Variants in COX7B2 observed in about 807,000 individuals in gnomAD.
COX7B2 encodes cytochrome c oxidase subunit 7B2.
For synonymous variants in COX7B2, 37 were observed against 32.1 expected, an observed-to-expected ratio of 1.15 and a Z score of -0.51; for missense variants, 109 against 95.9, an observed-to-expected ratio of 1.14 and a Z score of -0.57.
At chr4:46,737,640 T>C (rs1451383562) in intron 2 of COX7B2, among the ~76,000 whole-genome samples, 2 of 152,196 alleles carry the variant, frequency 1.3e-5, no homozygotes, top group South Asian at 2.1e-4. Flanking sequence ...TTTTATTTCT[T>C]AGATAGTTAC....
At chr4:46,858,332 G>A (rs1002978808) in intron 1 of COX7B2, among the ~76,000 whole-genome samples, 5 of 152,064 alleles carry the variant, frequency 3.3e-5, no homozygotes, top group African/African-American at 9.7e-5. Context: ...CTTCCCTCAA[G>A]TGATCCTCCT....
chr4:46,843,149 C>A (rs918131603), intron 2 of COX7B2, among the ~76,000 whole-genome samples: 1 of 151,962 alleles, frequency 6.6e-6, no homozygotes, highest in Non-Finnish European at 1.5e-5. Context: ...TCTCTGATGG[C>A]CACTGATGAT....
chr4:46,744,296 G>C (rs1714890678), intron 2 of COX7B2, among the ~76,000 whole-genome samples: 1 of 151,688 alleles, frequency 6.6e-6, no homozygotes. Flanking sequence ...ACCTCCTTAG[G>C]CCTCCTGAGC....
chr4:46,907,678 G>A (rs1365639159), intron 1 of COX7B2, among the ~76,000 whole-genome samples: 1 of 151,234 alleles, frequency 6.6e-6, no homozygotes, highest in African/African-American at 2.4e-5. Flanking sequence ...GTTATGACCA[G>A]AGTACACAGA....
chr4:46,776,194 G>T (rs1028730843), intron 2 of COX7B2, among the ~76,000 whole-genome samples: 1 of 151,922 alleles, frequency 6.6e-6, no homozygotes, highest in Admixed American at 6.6e-5. Flanking sequence ...CTGAGATATG[G>T]GGAAAGTGGG....
chr4:46,880,732 C>A (rs1247015916), intron 1 of COX7B2, among the ~76,000 whole-genome samples: 1 of 148,296 alleles, frequency 6.7e-6, no homozygotes, highest in Admixed American at 6.7e-5. Context: ...AAAAAAAAAA[C>A]TATCGCAAGA....
chr4:46,817,759 C>T (rs982183045), intron 2 of COX7B2, among the ~76,000 whole-genome samples: 4 of 152,022 alleles, frequency 2.6e-5, no homozygotes, highest in African/African-American at 9.7e-5. Context: ...AGGATAAAAC[C>T]GGGACAGCTG....
chr4:46,764,552 A>AAAAAGAAAAG (rs765606265), intron 2 of COX7B2, among the ~76,000 whole-genome samples: 2 of 151,058 alleles, frequency 1.3e-5, no homozygotes, highest in Admixed American at 6.6e-5. Context: ...CAAAAATGAA[A>AAAAAGAAAAG]AAAAGAAAAG....
intron 2 of COX7B2, among the ~76,000 whole-genome samples, chr4:46,789,161 G>A (rs1202409912): frequency 6.6e-6 from 1 of 152,122 alleles, no homozygotes; most frequent in Non-Finnish European, 1.5e-5. Flanking sequence ...AACATTCAAA[G>A]ATTAGGAAGT....
chr4:46,805,111 C>G (rs902163185), intron 2 of COX7B2, among the ~76,000 whole-genome samples: 1 of 152,244 alleles, frequency 6.6e-6, no homozygotes, highest in Non-Finnish European at 1.5e-5. Context: ...AGCCCACACC[C>G]ACCCAGAACT....
chr4:46,824,998 C>T (rs976612352), intron 2 of COX7B2, among the ~76,000 whole-genome samples: 2 of 151,910 alleles, frequency 1.3e-5, no homozygotes, highest in African/African-American at 4.8e-5. Context: ...GCCCTCTCAT[C>T]ACTCATCTTC....
intron 1 of COX7B2, among the ~76,000 whole-genome samples, chr4:46,866,264 A>G (rs962281768): frequency 3.9e-5 from 6 of 152,164 alleles, no homozygotes; most frequent in Non-Finnish European, 1.5e-5. Flanking sequence ...TGCCATTGGA[A>G]TTTGGGGAAA....
intron 2 of COX7B2, among the ~76,000 whole-genome samples, chr4:46,757,267 A>G (rs1715857053): frequency 7.2e-6 from 1 of 139,292 alleles, no homozygotes; most frequent in Non-Finnish European, 1.6e-5. Context: ...ATATGTACAC[A>G]TGCATATACA....
chr4:46,813,458 AAAAGTTTCTGCAC>A (rs1719388302), intron 2 of COX7B2, among the ~76,000 whole-genome samples: 1 of 152,216 alleles, frequency 6.6e-6, no homozygotes, highest in Admixed American at 6.5e-5. Flanking sequence ...TATCAAATGA[AAAAGTTTCTGCAC>A]AGCAAAAGAA....
intron 2 of COX7B2, among the ~76,000 whole-genome samples, chr4:46,738,379 C>T (rs1015285080): frequency 2.0e-5 from 3 of 152,064 alleles, no homozygotes; most frequent in Non-Finnish European, 4.4e-5. Flanking sequence ...TTTTCTTGAA[C>T]CAGTAAGTCT....
intron 2 of COX7B2, among the ~76,000 whole-genome samples, chr4:46,747,866 T>G (rs1417235286): frequency 6.6e-6 from 1 of 152,110 alleles, no homozygotes; most frequent in African/African-American, 2.4e-5. Context: ...ACCATAAAAT[T>G]TGTCTTTAAC....
At chr4:46,889,541 C>T (rs1476137086) in intron 1 of COX7B2, among the ~76,000 whole-genome samples, 1 of 152,110 alleles carries the variant, frequency 6.6e-6, no homozygotes, top group African/African-American at 2.4e-5. Flanking sequence ...GGCAAGGCTG[C>T]CATGAGCACT....
In COX7B2 at chr4:46,752,549, T is replaced by A. The variant is rs542995936; in HGVS notation, c.-49-17308A>T. Reference sequence around the variant, plus strand: ...TTGCCAATTCAGTATGTAATTGGCTTTGGGTTTATCATAAATAGCTCTTAT... The same window carrying A: ...TTGCCAATTCAGTATGTAATTGGCTATGGGTTTATCATAAATAGCTCTTAT... On this transcript the variant is annotated intron_variant, in intron 2 of 2. Transcript: ENST00000355591. Among the ~76,000 whole-genome samples, 7 of 152,186 alleles carry A rather than the reference T, an allele frequency of 4.6e-5. No individual in the cohort carries two copies. The South Asian group carries it at 1.5e-3, about 32-fold the overall frequency.
chr4:46,882,441 G>A (rs1718808270), intron 1 of COX7B2, among the ~76,000 whole-genome samples: 1 of 152,140 alleles, frequency 6.6e-6, no homozygotes, highest in South Asian at 2.1e-4. Flanking sequence ...CTCTTTGTAG[G>A]TCTCTAACAA....
Sources: gnomAD v4.1 joint callset for allele counts (sites outside exome capture counted in the v4.1 genomes callset) on GRCh38, gnomAD v4.1.1 for gene constraint, MANE v1.5 for transcripts, NCBI Gene and HGNC (gene_info 2026-07-23, HGNC 2026-07-21) for gene names.